The following KHDRBS2 variants were observed in gnomAD, a reference collection of about 807,000 sequenced individuals.
The protein encoded by KHDRBS2 is KH domain-containing, RNA-binding, signal transduction-associated protein 2.
KHDRBS2 carries 26 observed loss-of-function variants against 44.3 expected under a neutral mutation model. The ratio of observed to expected loss-of-function variants is 0.59; its 90% confidence interval spans 0.43 to 0.81. The LOEUF (loss-of-function observed/expected upper bound fraction) is 0.81, where lower values mean the gene tolerates loss of function less well. Among genes scored for constraint, KHDRBS2 ranks in the 40% least tolerant of loss-of-function variants. KHDRBS2 has a pLI of 0.00. For missense variants in KHDRBS2, 476 were observed against 433.1 expected, an observed-to-expected ratio of 1.10 and a Z score of -0.88; for synonymous variants, 194 against 151.1, an observed-to-expected ratio of 1.28 and a Z score of -2.08.
intron 3 of KHDRBS2, among the ~76,000 whole-genome samples, chr6:62,045,270 T>A (rs566206572): frequency 5.3e-5 from 8 of 152,036 alleles, no homozygotes; most frequent in Non-Finnish European, 1.0e-4. Flanking sequence ...ATTAAATAAA[T>A]ATATGGCTAT....
At chr6:61,738,458 T>C (rs1414249261) in intron 6 of KHDRBS2, among the ~76,000 whole-genome samples, 1 of 152,010 alleles carries the variant, frequency 6.6e-6, no homozygotes, top group Admixed American at 6.6e-5. Context: ...CAAGTCCTTA[T>C]AGGATCCTTG....
chr6:62,106,577 A>G (rs1403554864), intron 2 of KHDRBS2, among the ~76,000 whole-genome samples: 2 of 152,168 alleles, frequency 1.3e-5, no homozygotes, highest in Admixed American at 1.3e-4. Flanking sequence ...CATTCAATAG[A>G]AAAAGAGGGA....
At chr6:62,112,947 G>A (rs1245550249) in intron 2 of KHDRBS2, among the ~76,000 whole-genome samples, 2 of 152,096 alleles carry the variant, frequency 1.3e-5, no homozygotes, top group African/African-American at 2.4e-5. Context: ...TCATCAATCC[G>A]TTCACCTATC....
intron 1 of KHDRBS2, 50 bp downstream of exon 1, chr6:62,285,808 G>A: frequency 7.5e-7 from 1 of 1,337,334 alleles, no homozygotes; most frequent in South Asian, 1.2e-5. Context: ...CAAGCCGCGG[G>A]TGAGATAGGC....
At chr6:61,982,211 G>A (rs1773982426) in intron 3 of KHDRBS2, among the ~76,000 whole-genome samples, 1 of 80,150 alleles carries the variant, frequency 1.2e-5, no homozygotes, top group South Asian at 4.5e-4. Flanking sequence ...TAAAGTCACT[G>A]CAAATATATA....
At chr6:61,565,585 CA>C in the KHDRBS2 span, among the ~76,000 whole-genome samples, 5 of 152,008 alleles carry the variant, frequency 3.3e-5, no homozygotes, top group Admixed American at 6.6e-5. Flanking sequence ...CACTAATAAT[CA>C]GAGAAATGCA....
At chr6:62,183,531 A>G (rs1364766086) in intron 1 of KHDRBS2, among the ~76,000 whole-genome samples, 1 of 151,608 alleles carries the variant, frequency 6.6e-6, no homozygotes, top group Non-Finnish European at 1.5e-5. Flanking sequence ...ATTAAAAATA[A>G]AGAGAAGAGA....
chr6:61,667,668 C>A, the KHDRBS2 span, among the ~76,000 whole-genome samples: 2 of 141,508 alleles, frequency 1.4e-5, no homozygotes, highest in Admixed American at 1.4e-4. Context: ...CCTTATGTGA[C>A]AGCTAGCAAT....
the KHDRBS2 span, among the ~76,000 whole-genome samples, chr6:61,639,675 G>C: frequency 6.6e-6 from 1 of 152,030 alleles, no homozygotes; most frequent in East Asian, 1.9e-4. Flanking sequence ...AAGTCTTGGG[G>C]GTAGGGACCA....
At chr6:61,871,948 TGGG>T (rs1364674361) in intron 6 of KHDRBS2, among the ~76,000 whole-genome samples, 1 of 29,788 alleles carries the variant, frequency 3.4e-5, no homozygotes, top group African/African-American at 1.3e-4. Flanking sequence ...TGTCAGGGGG[TGGG>T]GGGGTAGGGG....
intron 1 of KHDRBS2, among the ~76,000 whole-genome samples, chr6:62,249,494 G>A (rs1836166128): frequency 6.6e-6 from 1 of 152,070 alleles, no homozygotes; most frequent in Admixed American, 6.6e-5. Context: ...TAATTATATA[G>A]TTAAAGCCTA....
chr6:61,758,748 T>A (rs1445986093), intron 6 of KHDRBS2, among the ~76,000 whole-genome samples: 1 of 152,146 alleles, frequency 6.6e-6, no homozygotes, highest in Non-Finnish European at 1.5e-5. Flanking sequence ...TTGGTTTTCA[T>A]ATCTATAAAA....
At chr6:61,674,372 C>T in the KHDRBS2 span, among the ~76,000 whole-genome samples, 1 of 151,774 alleles carries the variant, frequency 6.6e-6, no homozygotes, top group Non-Finnish European at 1.5e-5. Context: ...GAAAACTCCA[C>T]AGTATTTTGG....
At chr6:61,975,477 ATTTTT>A (rs1772395896) in intron 4 of KHDRBS2, among the ~76,000 whole-genome samples, 1 of 152,138 alleles carries the variant, frequency 6.6e-6, no homozygotes, top group Non-Finnish European at 1.5e-5. Flanking sequence ...TTGGCAGTTC[ATTTTT>A]GCCCCTTGCG....
the KHDRBS2 span, among the ~76,000 whole-genome samples, chr6:61,670,653 T>G: frequency 1.3e-5 from 2 of 151,480 alleles, no homozygotes; most frequent in Non-Finnish European, 3.0e-5. Context: ...CGTAAATAAG[T>G]GTTCATTTCT....
At chr6:61,827,179 A>C (rs963090566) in intron 6 of KHDRBS2, among the ~76,000 whole-genome samples, 1 of 152,204 alleles carries the variant, frequency 6.6e-6, no homozygotes, top group Non-Finnish European at 1.5e-5. Context: ...TCATTAGGTC[A>C]TTCTTTGAAT....
intron 3 of KHDRBS2, among the ~76,000 whole-genome samples, chr6:61,997,770 C>T (rs1358784594): frequency 6.6e-6 from 1 of 152,122 alleles, no homozygotes; most frequent in Non-Finnish European, 1.5e-5. Context: ...CTACTAACTC[C>T]CAGCCCAGCT....
chr6:62,158,929 T>A (rs529410868), intron 2 of KHDRBS2, among the ~76,000 whole-genome samples: 4 of 152,248 alleles, frequency 2.6e-5, no homozygotes, highest in African/African-American at 9.6e-5. Context: ...TACTGTGAGA[T>A]AAAATTAGGA....
At chr6:61,947,880 C>G (rs1484530316) in intron 4 of KHDRBS2, among the ~76,000 whole-genome samples, 1 of 149,272 alleles carries the variant, frequency 6.7e-6, no homozygotes, top group Non-Finnish European at 1.5e-5. Context: ...GGAACAAAAA[C>G]CAGAGGCATG....
Sources: gnomAD v4.1 joint callset for allele counts (sites outside exome capture counted in the v4.1 genomes callset) on GRCh38, gnomAD v4.1.1 for gene constraint, MANE v1.5 for transcripts, NCBI Gene and HGNC (gene_info 2026-07-23, HGNC 2026-07-21) for gene names.